DLG2: variants seen among roughly 807,000 people sequenced by gnomAD.
The protein encoded by DLG2 is discs large MAGUK scaffold protein 2, also known as disks large homolog 2.
A neutral mutation model predicts 132.5 loss-of-function variants in DLG2; 45 were observed. That is an observed-to-expected ratio of 0.34 (90% CI 0.27 to 0.44). The LOEUF (loss-of-function observed/expected upper bound fraction) is 0.44, where lower values mean the gene tolerates loss of function less well. DLG2 is among the 20% of genes least tolerant of loss of function. The probability of loss-of-function intolerance (pLI) is 1.00; values close to 1 mark genes in which losing one functional copy is unlikely to be tolerated. For missense variants in DLG2, 1,045 were observed against 1,196.9 expected (o/e 0.87, Z 1.87); for synonymous variants, 424 against 419.6 (o/e 1.01, Z -0.13).
At chr11:83,717,646 G>C (rs1322337555) in intron 18 of DLG2, among the ~76,000 whole-genome samples, 1 of 152,200 alleles carries the variant, frequency 6.6e-6, no homozygotes, top group Non-Finnish European at 1.5e-5. Flanking sequence ...AACACAGGGG[G>C]AAAAAAGTAC....
intron 5 of DLG2, among the ~76,000 whole-genome samples, chr11:85,135,379 G>T (rs927508006): frequency 6.6e-6 from 1 of 152,152 alleles, no homozygotes; most frequent in Non-Finnish European, 1.5e-5. Context: ...GACAATCAGG[G>T]GTTAGACAGA....
chr11:85,206,044 A>G (rs1451827053), intron 4 of DLG2, among the ~76,000 whole-genome samples: 19 of 152,108 alleles, frequency 1.2e-4, no homozygotes, highest in Non-Finnish European at 1.5e-5. Context: ...TGATTTGATC[A>G]TGGGGGGCAG....
intron 4 of DLG2, among the ~76,000 whole-genome samples, chr11:85,165,594 G>T (rs2078380415): frequency 6.6e-6 from 1 of 152,082 alleles, no homozygotes; most frequent in Non-Finnish European, 1.5e-5. Flanking sequence ...GCTCCTTTCT[G>T]CCTGTAAGGT....
intron 3 of DLG2, among the ~76,000 whole-genome samples, chr11:85,395,308 C>G (rs1292435280): frequency 6.6e-6 from 1 of 152,180 alleles, no homozygotes; most frequent in Non-Finnish European, 1.5e-5. Context: ...TGAATAGGAA[C>G]AGCTCTGGTC....
intron 3 of DLG2, among the ~76,000 whole-genome samples, chr11:85,463,869 A>T (rs1289652476): frequency 6.6e-6 from 1 of 152,004 alleles, no homozygotes; most frequent in East Asian, 1.9e-4. Flanking sequence ...GAGCATTTAG[A>T]ATTATATCAA....
intron 6 of DLG2, among the ~76,000 whole-genome samples, chr11:84,552,646 A>G (rs184767274): frequency 7.6e-4 from 116 of 152,286 alleles, no homozygotes; most frequent in Non-Finnish European, 1.2e-3. Context: ...TTTATACACT[A>G]TAAGATCTTT....
intron 8 of DLG2, among the ~76,000 whole-genome samples, chr11:84,189,714 T>G (rs2096364490): frequency 6.6e-6 from 1 of 152,070 alleles, no homozygotes; most frequent in African/African-American, 2.4e-5. Flanking sequence ...AACAAACTAA[T>G]GCAGGAACAG....
At chr11:84,889,101 T>C (rs1480609743) in intron 6 of DLG2, among the ~76,000 whole-genome samples, 2 of 66,208 alleles carry the variant, frequency 3.0e-5, no homozygotes, top group East Asian at 2.4e-4. Flanking sequence ...TCTGGACACA[T>C]TAAAATCTCT....
intron 6 of DLG2, among the ~76,000 whole-genome samples, chr11:84,872,160 G>A (rs2085568437): frequency 6.6e-6 from 1 of 152,130 alleles, no homozygotes; most frequent in East Asian, 1.9e-4. Flanking sequence ...GGGAAATAAT[G>A]CTACTGACTC....
At chr11:83,690,011 A>G (rs990469722) in intron 18 of DLG2, among the ~76,000 whole-genome samples, 2 of 142,586 alleles carry the variant, frequency 1.4e-5, no homozygotes, top group Non-Finnish European at 3.0e-5. Context: ...ATTTATTATA[A>G]TATTTAATAA....
chr11:85,595,064 C>CAAAAAA (rs947518185), intron 3 of DLG2, among the ~76,000 whole-genome samples: 5 of 58,212 alleles, frequency 8.6e-5, no homozygotes, highest in Non-Finnish European at 1.6e-4. Context: ...GACTCTGTCT[C>CAAAAAA]AAAAAAAAAA....
rs942284742 is a variant in DLG2, at chr11:83,456,159, T to TGAAA, written c.*3655_*3658dup. 1 of 152,678 alleles carries TGAAA rather than the reference T, an allele frequency of 6.5e-6. No individual in the cohort carries two copies. Among genetic ancestry groups the TGAAA allele is most frequent in the African/African-American group, 2.4e-5 (1 of 41,454 alleles). The allele number at this position is 152,678 out of a possible 1,614,324, so 9.5% of individuals were successfully genotyped here. On this transcript the variant is annotated 3_prime_UTR_variant, in exon 28 of 28. Transcript: ENST00000376104. The stretch of plus-strand genomic sequence containing the variant: ...AATTGGGGCCAGAGTCTGCCTTTAT[T>TGAAA]GAAAGAAAATGTCCTCAGAGCCATG...
At chr11:84,168,836 C>CACACAA (rs914929619) in intron 8 of DLG2, among the ~76,000 whole-genome samples, 1 of 151,064 alleles carries the variant, frequency 6.6e-6, no homozygotes, top group South Asian at 2.1e-4. Flanking sequence ...TACACACACA[C>CACACAA]ACACACACAC....
At chr11:83,975,525 A>C (rs1469670734) in intron 12 of DLG2, among the ~76,000 whole-genome samples, 1 of 152,076 alleles carries the variant, frequency 6.6e-6, no homozygotes, top group Non-Finnish European at 1.5e-5. Context: ...TTTATTGCAA[A>C]GGTAACAGAC....
chr11:84,359,803 T>C (rs1480209123), intron 7 of DLG2, among the ~76,000 whole-genome samples: 1 of 151,908 alleles, frequency 6.6e-6, no homozygotes, highest in Non-Finnish European at 1.5e-5. Flanking sequence ...CATCCTACTA[T>C]TAATCTATTA....
At chr11:85,554,138 A>C (rs749713435) in intron 3 of DLG2, among the ~76,000 whole-genome samples, 6 of 151,492 alleles carry the variant, frequency 4.0e-5, no homozygotes, top group Non-Finnish European at 7.4e-5. Flanking sequence ...AAAATAAAAG[A>C]AAGTAGAAGA....
intron 7 of DLG2, chr11:84,317,348 A>G: frequency 7.1e-7 from 1 of 1,404,720 alleles, no homozygotes. Flanking sequence ...GCGGGCTGGT[A>G]GCTCTTTGTC....
At chr11:84,656,153 T>C (rs996854021) in intron 6 of DLG2, among the ~76,000 whole-genome samples, 1 of 152,180 alleles carries the variant, frequency 6.6e-6, no homozygotes, top group Non-Finnish European at 1.5e-5. Flanking sequence ...GAGAGAGGAC[T>C]GTTGTTTCAC....
chr11:83,878,207 T>A (rs1362785477), intron 15 of DLG2, among the ~76,000 whole-genome samples: 1 of 152,192 alleles, frequency 6.6e-6, no homozygotes, highest in Non-Finnish European at 1.5e-5. Flanking sequence ...AAGTCATGTG[T>A]GCTTTCAGAG....
Sources: allele counts gnomAD v4.1 joint callset (sites outside exome capture counted in the v4.1 genomes callset), GRCh38; gene constraint gnomAD v4.1.1; transcripts MANE v1.5; gene names NCBI Gene and HGNC (gene_info 2026-07-23, HGNC 2026-07-21).